SCD5: variants seen among roughly 807,000 people sequenced by gnomAD.
SCD5 encodes the protein acyl-CoA-desaturase 4.
In SCD5, 20 loss-of-function variants were observed where a neutral mutation model predicts 30.4. The observed-to-expected ratio is 0.66, with a 90% CI of 0.46 to 0.96. The LOEUF is 0.96. SCD5 is among the 40% of genes least tolerant of loss of function. The pLI, the probability that SCD5 is intolerant of heterozygous loss-of-function variation, is 0.00. For synonymous variants in SCD5, 173 were observed against 176.4 expected, an observed-to-expected ratio of 0.98 and a Z score of 0.16; for missense variants, 381 against 443.3, an observed-to-expected ratio of 0.86 and a Z score of 1.26.
At chr4:82,751,631 G>A (rs892303545) in intron 1 of SCD5, among the ~76,000 whole-genome samples, 2 of 151,928 alleles carry the variant, frequency 1.3e-5, no homozygotes, top group African/African-American at 4.8e-5. Context: ...TATTTAGTTA[G>A]TTAGTTATTT....
chr4:82,732,085 C>A (rs1424830030), intron 1 of SCD5, among the ~76,000 whole-genome samples: 3 of 151,986 alleles, frequency 2.0e-5, no homozygotes, highest in African/African-American at 4.8e-5. Flanking sequence ...AGATTCTTTT[C>A]TCTACTTTTC....
At chr4:82,739,729 C>T (rs184558226) in intron 1 of SCD5, among the ~76,000 whole-genome samples, 209 of 152,340 alleles carry the variant, frequency 1.4e-3, no homozygotes, top group Middle Eastern at 6.8e-3. Context: ...TAGAGTTAGA[C>T]GCAGCTGGAC....
chr4:82,704,951 A>G (rs1335534033), intron 2 of SCD5, among the ~76,000 whole-genome samples: 1 of 152,256 alleles, frequency 6.6e-6, no homozygotes, highest in Non-Finnish European at 1.5e-5. Flanking sequence ...TACTATATGC[A>G]TACCAGTGTG....
At chr4:82,729,577 G>T (rs1003572099) in intron 1 of SCD5, among the ~76,000 whole-genome samples, 3 of 152,064 alleles carry the variant, frequency 2.0e-5, no homozygotes, top group Non-Finnish European at 4.4e-5. Flanking sequence ...GACGGAAGGG[G>T]GGAAAGAGAT....
intron 1 of SCD5, among the ~76,000 whole-genome samples, chr4:82,716,956 T>C (rs1289779078): frequency 4.0e-5 from 6 of 151,770 alleles, no homozygotes; most frequent in African/African-American, 1.5e-4. Context: ...AGCATTTACA[T>C]TGTTTTGGGT....
intron 2 of SCD5, among the ~76,000 whole-genome samples, chr4:82,685,585 C>T (rs940296432): frequency 5.9e-5 from 9 of 151,664 alleles, no homozygotes; most frequent in Admixed American, 1.3e-4. Context: ...TGGTGGTACG[C>T]GGCTGTAATA....
chr4:82,779,894 T>C (rs769641068), intron 1 of SCD5, among the ~76,000 whole-genome samples: 1 of 152,236 alleles, frequency 6.6e-6, no homozygotes, highest in Non-Finnish European at 1.5e-5. Context: ...CTATTCAGAC[T>C]AAATAGGTCA....
chr4:82,750,566 G>A (rs974569689), intron 1 of SCD5, among the ~76,000 whole-genome samples: 1 of 151,980 alleles, frequency 6.6e-6, no homozygotes, highest in Non-Finnish European at 1.5e-5. Flanking sequence ...AAGATCCAGG[G>A]AAGCCATGGA....
intron 4 of SCD5, among the ~76,000 whole-genome samples, chr4:82,635,181 T>C (rs78615397): frequency 0.034 from 5,213 of 152,294 alleles, 312 homozygotes; most frequent in African/African-American, 0.12. Context: ...TATTTCTTAA[T>C]CACCTTGCTT....
chr4:82,777,982 A>T (rs895323723), intron 1 of SCD5, among the ~76,000 whole-genome samples: 1 of 151,378 alleles, frequency 6.6e-6, no homozygotes, highest in Non-Finnish European at 1.5e-5. Context: ...GCCCATCAAT[A>T]ATAGACTGGA....
At chr4:82,771,808 T>G (rs1721629068) in intron 1 of SCD5, among the ~76,000 whole-genome samples, 1 of 152,226 alleles carries the variant, frequency 6.6e-6, no homozygotes, top group African/African-American at 2.4e-5. Context: ...AGGTGAAAAC[T>G]GTGTCAGAGA....
intron 1 of SCD5, among the ~76,000 whole-genome samples, chr4:82,715,573 A>G (rs937469307): frequency 9.9e-5 from 15 of 151,780 alleles, no homozygotes; most frequent in African/African-American, 3.2e-4. Context: ...TTCTGGCGCC[A>G]GGCTACCTGT....
At chr4:82,640,860 C>T (rs778396886) in intron 3 of SCD5, among the ~76,000 whole-genome samples, 2 of 151,752 alleles carry the variant, frequency 1.3e-5, no homozygotes, top group South Asian at 2.1e-4. Flanking sequence ...GATTTCCTTT[C>T]GTCATTTGGT....
intron 3 of SCD5, among the ~76,000 whole-genome samples, chr4:82,671,374 C>T (rs1728319244): frequency 6.6e-6 from 1 of 152,170 alleles, no homozygotes; most frequent in Non-Finnish European, 1.5e-5. Flanking sequence ...AATTCAACAA[C>T]ACCATCAATC....
intron 3 of SCD5, among the ~76,000 whole-genome samples, chr4:82,653,918 AT>A (rs34178799): frequency 0.14 from 21,116 of 146,216 alleles, 1,595 homozygotes; most frequent in South Asian, 0.26. Flanking sequence ...GTCAATGAGT[AT>A]TTTTTTTTTT....
chr4:82,695,851 A>C (rs1479937940), intron 2 of SCD5, among the ~76,000 whole-genome samples: 1 of 152,196 alleles, frequency 6.6e-6, no homozygotes. Context: ...CCCCTTCTGC[A>C]GTAGGCTTTG....
chr4:82,699,426 C>T (rs1719766417), intron 2 of SCD5, among the ~76,000 whole-genome samples: 1 of 152,058 alleles, frequency 6.6e-6, no homozygotes, highest in South Asian at 2.1e-4. Context: ...GCTCTGTCAC[C>T]CAGGCTGGAG....
At chr4:82,719,400 T>A (rs964460439) in intron 1 of SCD5, among the ~76,000 whole-genome samples, 2 of 151,786 alleles carry the variant, frequency 1.3e-5, no homozygotes, top group African/African-American at 4.9e-5. Context: ...GCCCACAATA[T>A]GTTTTCTTCA....
chr4:82,711,546 T>C (rs1720086190), intron 1 of SCD5, among the ~76,000 whole-genome samples: 2 of 152,102 alleles, frequency 1.3e-5, no homozygotes, highest in South Asian at 4.1e-4. Context: ...AAACACTGTA[T>C]CTACAAAAAG....
Sources: allele counts gnomAD v4.1 joint callset (sites outside exome capture counted in the v4.1 genomes callset), GRCh38; gene constraint gnomAD v4.1.1; transcripts MANE v1.5; gene names NCBI Gene and HGNC (gene_info 2026-07-23, HGNC 2026-07-21).